The following CAB39L variants were observed in gnomAD, a reference collection of about 807,000 sequenced individuals.
CAB39L encodes calcium-binding protein 39-like.
A neutral mutation model predicts 39.1 loss-of-function variants in CAB39L; 23 were observed. The observed-to-expected ratio is 0.59, with a 90% CI of 0.42 to 0.83. CAB39L has a LOEUF of 0.83. Among genes scored for constraint, CAB39L ranks in the 40% least tolerant of loss-of-function variants. The pLI is 0.00. For missense variants in CAB39L, 366 were observed against 391.9 expected, an observed-to-expected ratio of 0.93 and a Z score of 0.56; for synonymous variants, 126 against 137.2, an observed-to-expected ratio of 0.92 and a Z score of 0.57.
intron 1 of CAB39L, among the ~76,000 whole-genome samples, chr13:49,440,594 C>T (rs1351751239): frequency 6.6e-6 from 1 of 151,870 alleles, no homozygotes; most frequent in Non-Finnish European, 1.5e-5. Context: ...GATATTGATT[C>T]TTCCAATCCA....
intron 5 of CAB39L, among the ~76,000 whole-genome samples, chr13:49,367,725 T>C (rs1182969729): frequency 1.3e-5 from 2 of 152,166 alleles, no homozygotes; most frequent in Non-Finnish European, 2.9e-5. Context: ...GAGACCAGTC[T>C]GGGCAACATG....
At chr13:49,417,251 A>G (rs186501883) in intron 3 of CAB39L, among the ~76,000 whole-genome samples, 91 of 152,350 alleles carry the variant, frequency 6.0e-4, no homozygotes, top group African/African-American at 2.2e-3. Context: ...TGAGTATACC[A>G]GCCAATGATT....
chr13:49,323,620 G>A (rs1413144482), intron 10 of CAB39L, among the ~76,000 whole-genome samples: 2 of 152,162 alleles, frequency 1.3e-5, no homozygotes, highest in Admixed American at 6.5e-5. Flanking sequence ...ACACATTCTC[G>A]CTTTCTGAAT....
chr13:49,435,341 A>G (rs1279069305), intron 1 of CAB39L, among the ~76,000 whole-genome samples: 1 of 152,114 alleles, frequency 6.6e-6, no homozygotes. Context: ...CCCTTTGACT[A>G]TTCCCTCCCA....
chr13:49,365,988 T>G (rs1246132222), intron 5 of CAB39L, among the ~76,000 whole-genome samples: 1 of 152,238 alleles, frequency 6.6e-6, no homozygotes, highest in Non-Finnish European at 1.5e-5. Flanking sequence ...AGGAATGAGA[T>G]TCTGTCATTG....
intron 3 of CAB39L, chr13:49,413,899 T>C (rs1957038193): frequency 6.6e-6 from 1 of 152,244 alleles, no homozygotes; most frequent in African/African-American, 2.4e-5. Flanking sequence ...TCTTCCCTTT[T>C]TTAAACAGAA....
chr13:49,313,467 T>C (rs1216339143), intron 10 of CAB39L, among the ~76,000 whole-genome samples: 13 of 143,832 alleles, frequency 9.0e-5, no homozygotes, highest in East Asian at 4.0e-4. Context: ...GGCAACAGAG[T>C]GAGACTCCGT....
intron 9 of CAB39L, among the ~76,000 whole-genome samples, chr13:49,336,279 C>A (rs200080356): frequency 1.2e-3 from 178 of 151,750 alleles, no homozygotes; most frequent in Middle Eastern, 6.8e-3. Flanking sequence ...TTAAAAAAAA[C>A]CAGCTCTCCA....
intron 3 of CAB39L, among the ~76,000 whole-genome samples, chr13:49,388,933 C>T (rs990286824): frequency 6.6e-6 from 1 of 152,180 alleles, no homozygotes; most frequent in Non-Finnish European, 1.5e-5. Context: ...GTCTGCCCTA[C>T]TTCCCACATC....
At chr13:49,341,215 GT>G (rs1214150930) in intron 8 of CAB39L, among the ~76,000 whole-genome samples, 1 of 151,228 alleles carries the variant, frequency 6.6e-6, no homozygotes, top group Non-Finnish European at 1.5e-5. Flanking sequence ...TATATTAACA[GT>G]TCATTTCCTA....
chr13:49,417,688 G>T (rs1957107082), intron 3 of CAB39L, among the ~76,000 whole-genome samples: 1 of 125,270 alleles, frequency 8.0e-6, no homozygotes, highest in South Asian at 3.0e-4. Flanking sequence ...TAAGAGGATG[G>T]GGATATTCTA....
chr13:49,441,510 T>A (rs951766792), intron 1 of CAB39L, among the ~76,000 whole-genome samples: 2 of 151,624 alleles, frequency 1.3e-5, no homozygotes, highest in African/African-American at 4.9e-5. Context: ...AAGGCTGCAG[T>A]AAGCTGTGAT....
intron 9 of CAB39L, among the ~76,000 whole-genome samples, chr13:49,333,076 C>T (rs1954755520): frequency 6.6e-6 from 1 of 152,028 alleles, no homozygotes; most frequent in African/African-American, 2.4e-5. Context: ...AGTAAACCAC[C>T]ACCTTGCCTG....
intron 10 of CAB39L, among the ~76,000 whole-genome samples, chr13:49,313,789 C>G (rs1306536347): frequency 6.6e-6 from 1 of 152,158 alleles, no homozygotes; most frequent in Non-Finnish European, 1.5e-5. Flanking sequence ...CTCTGCCCAC[C>G]CATCCCTGTC....
intron 5 of CAB39L, among the ~76,000 whole-genome samples, chr13:49,374,354 C>G (rs141810810): frequency 2.0e-5 from 3 of 151,934 alleles, no homozygotes; most frequent in African/African-American, 7.3e-5. Context: ...TTAAAGTAAT[C>G]CACAAGAGTA....
At chr13:49,392,224 C>A (rs1956503126) in intron 3 of CAB39L, among the ~76,000 whole-genome samples, 1 of 151,954 alleles carries the variant, frequency 6.6e-6, no homozygotes, top group Non-Finnish European at 1.5e-5. Flanking sequence ...CATATAAAGC[C>A]AATTACCCTT....
At chr13:49,395,383 T>C (rs975073492) in intron 3 of CAB39L, among the ~76,000 whole-genome samples, 5 of 151,814 alleles carry the variant, frequency 3.3e-5, no homozygotes, top group African/African-American at 9.7e-5. Flanking sequence ...TTACAGGCAC[T>C]CACCACCACG....
At chr13:49,432,160 A>G (rs1008312950) in intron 3 of CAB39L, among the ~76,000 whole-genome samples, 2 of 152,070 alleles carry the variant, frequency 1.3e-5, no homozygotes, top group East Asian at 1.9e-4. Flanking sequence ...ACATATATAC[A>G]TATTTAGACA....
At chr13:49,407,960 C>T (rs17072869) in intron 3 of CAB39L, among the ~76,000 whole-genome samples, 39,180 of 151,524 alleles carry the variant, frequency 0.26, 5,547 homozygotes, top group East Asian at 0.53. Context: ...ATCCAGGTTG[C>T]GGTCAGATTA....
Sources: gnomAD v4.1 joint callset for allele counts (sites outside exome capture counted in the v4.1 genomes callset) on GRCh38, gnomAD v4.1.1 for gene constraint, MANE v1.5 for transcripts, NCBI Gene and HGNC (gene_info 2026-07-23, HGNC 2026-07-21) for gene names.